The following MYRF variants were observed in gnomAD, a reference collection of about 807,000 sequenced individuals.
The protein encoded by MYRF is myelin regulatory factor, also known as myelin gene regulatory factor.
Under a neutral mutation model 126.3 loss-of-function variants are expected in MYRF, and 16 were observed. The observed-to-expected ratio is 0.13, with a 90% CI of 0.09 to 0.19. The LOEUF (loss-of-function observed/expected upper bound fraction) is 0.19, where lower values mean the gene tolerates loss of function less well. Among genes scored for constraint, MYRF ranks in the 10% least tolerant of loss-of-function variants. The pLI, the probability that MYRF is intolerant of heterozygous loss-of-function variation, is 1.00. For synonymous variants in MYRF, 608 were observed against 635.3 expected (o/e 0.96, Z 0.65); for missense variants, 1,104 against 1,547.0 (o/e 0.71, Z 4.80).
chr11:61,779,370 C>G lies in MYRF; in HGVS notation c.2121C>G (p.Ala707=). ...TGGAGCGCTGGAGCCACAAGCTGGC[C>G]AAGCTGCGGCGGCTCGACAGCCTCA... ...DELERWSHKL[A]KLRRLDSLKS... is the part of the protein sequence containing the mutation. Residue 707 remains alanine (A), a synonymous_variant, in exon 15 of 27, where the codon GCC becomes GCG. Transcript: ENST00000278836. 2 of 1,551,334 alleles carry G rather than the reference C, an allele frequency of 1.3e-6. No individual in the cohort carries two copies. The highest frequency in any genetic ancestry group is 1.7e-6 in the Non-Finnish European group (2 of 1,146,930).
In MYRF at chr11:61,777,627, G is replaced by C; in HGVS notation, c.1792-107G>C. On this transcript the variant is annotated intron_variant, in intron 12 of 26. Coordinates refer to ENST00000278836, the MANE Select transcript of MYRF (RefSeq NM_001127392.3). The surrounding 1 kb of genome is among the most constrained non-coding windows in gnomAD (Gnocchi z 8.8). ...CCCGATCTAACCACTCCAGTGGTGG[G>C]GTCTCCTCTCCACACTGCAGCCTCC... 1 of 1,312,560 alleles carries C rather than the reference G, an allele frequency of 7.6e-7. No homozygotes were observed. The highest frequency in any genetic ancestry group is 1.1e-6 in the Non-Finnish European group (1 of 946,480). 81.3% of individuals were successfully genotyped at this position (1,312,560 alleles called of 1,614,324 possible).
In MYRF at chr11:61,781,253, T is replaced by C. The variant is rs760363820; in HGVS notation, c.2688T>C (p.Thr896=). Residue 896 remains threonine, a synonymous_variant, in exon 21 of 27, where the codon ACT becomes ACC. Transcript: ENST00000278836. Reference sequence around the variant, plus strand: ...CCTCACCCACTACCAACCCTACCACTGGTCCTAGTCTTGGCCCCAGCTTTA... The same window carrying C: ...CCTCACCCACTACCAACCCTACCACCGGTCCTAGTCTTGGCCCCAGCTTTA... The part of the protein sequence containing the change: ...CCSSPTTNPT[T]GPSLGPSFNP... 2 of 1,614,164 alleles carry C rather than the reference T, an allele frequency of 1.2e-6. No individual in the cohort carries two copies. The highest frequency in any genetic ancestry group is 8.5e-7 in the Non-Finnish European group (1 of 1,180,028).
chr11:61,780,769 G>C lies in MYRF; in HGVS notation c.2463G>C (p.Gly821=). ...LLALLRPQPP[G]GSEALCPWSS... is the part of the protein sequence containing the mutation. Reference sequence around the variant, plus strand: ...CCCTGCTCCGGCCCCAGCCCCCTGGGGGGAGTGAGGCCTTGTGCCCATGGT... The same window carrying C: ...CCCTGCTCCGGCCCCAGCCCCCTGGCGGGAGTGAGGCCTTGTGCCCATGGT... The change falls in exon 19 of 27, where the codon GGG becomes GGC. Residue 821 remains glycine (G), a synonymous_variant. Coordinates refer to ENST00000278836, the MANE Select transcript of MYRF (RefSeq NM_001127392.3). 2 of 1,547,070 alleles carry C rather than the reference G, an allele frequency of 1.3e-6. No individual in the cohort carries two copies. The highest frequency in any genetic ancestry group is 1.7e-6 in the Non-Finnish European group (2 of 1,147,214).
In MYRF at chr11:61,783,782, A is replaced by C; in HGVS notation, c.3120-69A>C. 6.7e-7 allele frequency: 1 copy of C among 1,488,220 alleles called. No homozygotes were observed. Among genetic ancestry groups the C allele is most frequent in the Non-Finnish European group, 9.2e-7 (1 of 1,088,940 alleles). The allele number at this position is 1,488,220 out of a possible 1,614,324, so 92.2% of individuals were successfully genotyped here. Reference sequence around the variant, plus strand: ...GGGCTCCAGTACAGATTGGGGGCTGAGGAGTCCCTGGTGGGGGTGGGGGGT... The same window carrying C: ...GGGCTCCAGTACAGATTGGGGGCTGCGGAGTCCCTGGTGGGGGTGGGGGGT... On this transcript the variant is annotated intron_variant, in intron 23 of 26. Coordinates refer to ENST00000278836, the MANE Select transcript of MYRF (RefSeq NM_001127392.3). This position sits in a 1 kb window ranked among gnomAD's most constrained non-coding sequence, Gnocchi z 4.6.
rs1435678659 is a variant in MYRF at position 61,767,836 on chromosome 11, G to T, written c.399-1424G>T. Among the ~76,000 whole-genome samples the T allele has an allele frequency of 6.9e-5, 5 of 72,450 alleles. No individual in the cohort carries two copies. The South Asian group carries it at 2.7e-3, about 39-fold the overall frequency. The allele number at this position is 72,450 out of a possible 152,430, so 47.5% of individuals were successfully genotyped here. On this transcript the variant is annotated intron_variant, in intron 3 of 26. Transcript: ENST00000278836. ...CTCAAAAAAAAAAAAAAAAAAAAAA[G>T]GCCAGGTGCGGTGGCTCATGCCTGT...
rs114646388 is a variant in MYRF at position 61,768,917 on chromosome 11, G to A, written c.399-343G>A. 2,044 of 238,578 alleles carry A rather than the reference G, an allele frequency of 8.6e-3. 39 individuals are homozygous for A. The highest frequency in any genetic ancestry group is 0.043 in the African/African-American group (1,920 of 44,458). The allele number at this position is 238,578 out of a possible 1,614,324, so 14.8% of individuals were successfully genotyped here. On this transcript the variant is annotated intron_variant, in intron 3 of 26. Coordinates refer to ENST00000278836, the MANE Select transcript of MYRF (RefSeq NM_001127392.3). ...GCCCTGTGTTTCCAGGAAGCTGTGG[G>A]GCTTCAGTGGGTGCAGGAAGAGAGA...
chr11:61,769,510 T>A (rs1424415628), intron 4 of MYRF, among the ~76,000 whole-genome samples, 189 bp downstream of exon 4: 1 of 152,166 alleles, frequency 6.6e-6, no homozygotes, highest in African/African-American at 2.4e-5. Context: ...TGGCCCTGCC[T>A]CTGAGCAAGT....
chr11:61,777,171 G>C lies in MYRF; in HGVS notation c.1591-93G>C. ...TGCAGTGAGAAACCCTGGCTGGAAG[G>C]GGAGGGGCTGCTGTGGAGTTTCCCC... On this transcript the variant is annotated intron_variant, in intron 11 of 26. Coordinates refer to ENST00000278836, the MANE Select transcript of MYRF (RefSeq NM_001127392.3). The surrounding 1 kb of genome is among the most constrained non-coding windows in gnomAD (Gnocchi z 8.8). The C allele has an allele frequency of 7.5e-7, 1 of 1,331,558 alleles. No individual in the cohort carries two copies. Among genetic ancestry groups the C allele is most frequent in the African/African-American group, 1.4e-5 (1 of 69,344 alleles). The allele number at this position is 1,331,558 out of a possible 1,614,324, so 82.5% of individuals were successfully genotyped here. A position where few individuals can be genotyped will look rare whatever the true frequency, so the allele number is the denominator to read the frequency against.
At position 61,776,772 on chromosome 11, in the gene MYRF, C is replaced by T. The variant is rs201422588; in HGVS notation, c.1500-15C>T. 1.2e-3 allele frequency: 1,868 copies of T among 1,580,520 alleles called. 7 individuals are homozygous for T. The highest frequency in any genetic ancestry group is 8.4e-4 in the Non-Finnish European group (981 of 1,162,462). On this transcript the variant is annotated splice_polypyrimidine_tract_variant and intron_variant, in intron 10 of 26. Transcript: ENST00000278836. This position sits in a 1 kb window ranked among gnomAD's most constrained non-coding sequence, Gnocchi z 4.3. The stretch of plus-strand genomic sequence containing the variant: ...GGCAGGCCATGAGTACTTCTGAGAC[C>T]CCTGTGTGTCCCAGGTACTTCATGC...
At chr11:61,762,218 C>G (rs912162503) in intron 1 of MYRF, among the ~76,000 whole-genome samples, 4 of 151,892 alleles carry the variant, frequency 2.6e-5, no homozygotes, top group African/African-American at 9.7e-5. Context: ...GGCAGGGGAC[C>G]TGGGGAAGGA....
At chr11:61,784,894 G>A (rs2066655157) in intron 25 of MYRF, 1 of 154,140 alleles carries the variant, frequency 6.5e-6, no homozygotes, top group Non-Finnish European at 1.4e-5. Context: ...CCCTGGGGCT[G>A]ATGGACCCCC....
intron 7 of MYRF, among the ~76,000 whole-genome samples, chr11:61,773,415 C>G (rs114187421): frequency 6.6e-6 from 1 of 152,138 alleles, no homozygotes; most frequent in African/African-American, 2.4e-5. Flanking sequence ...CTTCCCTCCC[C>G]GGGCAGACGG....
rs773348961 is a variant in MYRF, at chr11:61,774,024, C to T, written c.1173C>T (p.Asp391=). 22 of 1,613,384 alleles carry T rather than the reference C, an allele frequency of 1.4e-5. No homozygotes were observed. The highest frequency in any genetic ancestry group is 2.2e-5 in the South Asian group (2 of 91,086). Residue 391 remains aspartate (D), a synonymous_variant, in exon 8 of 27, where the codon GAC becomes GAT. Transcript: ENST00000278836. ...ADKGFNFSVG[D]DAFVCQKKNH... ...AGGGCTTCAACTTTTCGGTGGGCGA[C>T]GACGCCTTTGTGTGCCAGAAGAAGA...
At chr11:61,779,667 G>A in intron 16 of MYRF, 97 bp downstream of exon 16, 1 of 1,277,250 alleles carries the variant, frequency 7.8e-7, no homozygotes, top group South Asian at 1.6e-5. Context: ...TGCCTCTGGT[G>A]CTTCCCTCTC....
intron 1 of MYRF, among the ~76,000 whole-genome samples, chr11:61,763,650 G>C (rs2135731248): frequency 6.6e-6 from 1 of 152,308 alleles, no homozygotes; most frequent in South Asian, 2.1e-4. Context: ...GATCACCTGA[G>C]GTCAGGAGTT....
chr11:61,755,026 C>T (rs2065708388), intron 1 of MYRF, among the ~76,000 whole-genome samples: 1 of 152,134 alleles, frequency 6.6e-6, no homozygotes, highest in African/African-American at 2.4e-5. Flanking sequence ...CTGTCACACT[C>T]GGGGCTGGGG....
intron 25 of MYRF, chr11:61,785,382 C>T (rs2066666875): frequency 5.7e-6 from 1 of 175,430 alleles, no homozygotes; most frequent in Admixed American, 5.6e-5. Flanking sequence ...TGAATCCCAG[C>T]TGTGTGATTT....
chr11:61,765,721 C>T lies in MYRF; in HGVS notation c.134+9C>T, dbSNP rs1229593003. 2 of 1,607,984 alleles carry T rather than the reference C, an allele frequency of 1.2e-6. No individual in the cohort carries two copies. Among genetic ancestry groups the T allele is most frequent in the Non-Finnish European group, 1.7e-6 (2 of 1,177,472 alleles). ...GAGGATGCCTCCGACCTGTGAGTGG[C>T]CCCCTCGCCCGGCCTGCACCCGCCC... On this transcript the variant is annotated intron_variant, in intron 2 of 26. Transcript: ENST00000278836.
chr11:61,763,906 A>G (rs1424157991), intron 1 of MYRF, among the ~76,000 whole-genome samples: 1 of 152,180 alleles, frequency 6.6e-6, no homozygotes, highest in African/African-American at 2.4e-5. Context: ...TGTGATTATT[A>G]ATGTATTTGA....
Sources: gnomAD v4.1 joint callset for allele counts (sites outside exome capture counted in the v4.1 genomes callset) on GRCh38, gnomAD v4.1.1 for gene constraint, Gnocchi (gnomAD v3.1) non-coding constraint, MANE v1.5 for transcripts, NCBI Gene and HGNC (gene_info 2026-07-23, HGNC 2026-07-21) for gene names.